Variants in SLC14A1 observed in about 807,000 individuals in gnomAD.
SLC14A1 encodes the protein solute carrier family 14 member 1 (Kidd blood group).
SLC14A1 carries 36 observed loss-of-function variants against 39.6 expected under a neutral mutation model. The ratio of observed to expected loss-of-function variants is 0.91; its 90% CI spans 0.70 to 1.20. The LOEUF (loss-of-function observed/expected upper bound fraction) is 1.20. Ranked by LOEUF, SLC14A1 falls within the 50% of genes most tolerant of loss-of-function variation. SLC14A1 has a pLI of 0.00. For missense variants in SLC14A1, 469 were observed against 478.7 expected (o/e 0.98, Z 0.19); for synonymous variants, 164 against 173.6 (o/e 0.94, Z 0.43).
intron 9 of SLC14A1, among the ~76,000 whole-genome samples, chr18:45,749,141 GTGT>G (rs1439342712): frequency 8.7e-6 from 1 of 115,414 alleles, no homozygotes; most frequent in Admixed American, 8.5e-5. Context: ...TTGAACATCT[GTGT>G]TTTTTTTTAA....
rs1332952046 is a variant in SLC14A1, at chr18:45,749,812, T to C, written c.1031T>C (p.Leu344Ser). The change falls in exon 10 of 10, where the codon TTG (leucine) becomes TCG (serine). Residue 344 changes from leucine to serine, a missense_variant. Physicochemically the swap from Leu to Ser is moderately radical, Grantham distance 145 (BLOSUM62 -2). Coordinates refer to ENST00000321925, the MANE Select transcript of SLC14A1 (RefSeq NM_015865.7). ...GLPACTWPFC[L>S]ATLLFLIMTT... ...CCAGCTTGTACCTGGCCCTTCTGTT[T>C]GGCCACGCTATTGTTCCTCATCATG... 1.2e-6 allele frequency: 2 copies of C among 1,614,180 alleles called. No homozygotes were observed. Among genetic ancestry groups the C allele is most frequent in the Non-Finnish European group, 8.5e-7 (1 of 1,180,034 alleles).
intron 2 of SLC14A1, chr18:45,727,160 G>A (rs2046886866): frequency 3.9e-5 from 44 of 1,115,846 alleles, no homozygotes; most frequent in Non-Finnish European, 5.3e-5. Flanking sequence ...GAACCCAGTG[G>A]GCGCGCTCCA....
At chr18:45,727,632 G>C (rs1236123999) in intron 2 of SLC14A1, among the ~76,000 whole-genome samples, 1 of 152,190 alleles carries the variant, frequency 6.6e-6, no homozygotes, top group African/African-American at 2.4e-5. Flanking sequence ...GGAAAAGCTG[G>C]GGATAAGTCA....
chr18:45,739,158 T>A lies in SLC14A1; in HGVS notation c.664-5T>A, dbSNP rs892531268. ...AGCCTCATTTTTCTTAAATTTCTTT[T>A]GCAGTTGTTGAAATCTATACCAGTG... On this transcript the variant is annotated splice_region_variant and splice_polypyrimidine_tract_variant and intron_variant, in intron 6 of 9. Coordinates refer to ENST00000321925, the MANE Select transcript of SLC14A1 (RefSeq NM_015865.7). 2.5e-6 allele frequency: 4 copies of A among 1,614,220 alleles called. No homozygotes were observed. Among genetic ancestry groups the A allele is most frequent in the Non-Finnish European group, 3.4e-6 (4 of 1,180,030 alleles).
intron 8 of SLC14A1, among the ~76,000 whole-genome samples, chr18:45,742,308 C>T (rs1242827165): frequency 2.0e-5 from 3 of 149,888 alleles, no homozygotes; most frequent in Non-Finnish European, 3.0e-5. Flanking sequence ...GAGATGGCGA[C>T]GAGGTTTTTG....
At chr18:45,732,565 G>A (rs2047063061) in intron 4 of SLC14A1, among the ~76,000 whole-genome samples, 1 of 152,206 alleles carries the variant, frequency 6.6e-6, no homozygotes. Flanking sequence ...ACATCATCTT[G>A]CCTGTTGCAA....
At chr18:45,732,651 G>T (rs1309551020) in intron 4 of SLC14A1, among the ~76,000 whole-genome samples, 1 of 152,114 alleles carries the variant, frequency 6.6e-6, no homozygotes, top group Non-Finnish European at 1.5e-5. Flanking sequence ...CTGCAGTGTG[G>T]CTCACTGGCT....
chr18:45,741,598 A>G (rs56044725), intron 8 of SLC14A1, among the ~76,000 whole-genome samples: 65,229 of 151,692 alleles, frequency 0.43, 14,449 homozygotes, highest in East Asian at 0.52. Context: ...GCTGTGATGT[A>G]GCCATGTAGA....
Position 45,752,274 on chromosome 18 carries a change from G to C in SLC14A1, c.*2323G>C, listed in dbSNP as rs542237646. ...TAGGCTGTGGCTGAGAGAACCAGAG[G>C]CCTCTAAAATGGACCCGAGTCGATC... On this transcript the variant is annotated 3_prime_UTR_variant, in exon 10 of 10. Coordinates refer to ENST00000321925, the MANE Select transcript of SLC14A1 (RefSeq NM_015865.7). 12 of 983,940 alleles carry C rather than the reference G, an allele frequency of 1.2e-5. No individual in the cohort carries two copies. In the African/African-American group the frequency reaches 1.7e-4, roughly 14 times the overall value. The allele number at this position is 983,940 out of a possible 1,614,324, so 61.0% of individuals were successfully genotyped here.
At chr18:45,746,798 G>C (rs1481967055) in intron 8 of SLC14A1, among the ~76,000 whole-genome samples, 1 of 152,174 alleles carries the variant, frequency 6.6e-6, no homozygotes, top group Non-Finnish European at 1.5e-5. Flanking sequence ...GCTCTCATTT[G>C]AGATTCTTCA....
intron 4 of SLC14A1, among the ~76,000 whole-genome samples, chr18:45,733,278 T>C (rs925850437): frequency 6.6e-6 from 1 of 152,194 alleles, no homozygotes; most frequent in African/African-American, 2.4e-5. Context: ...AGAAATGAGA[T>C]TGAATACTAA....
chr18:45,731,334 A>G lies in SLC14A1; in HGVS notation c.341+130A>G, dbSNP rs955135936. On this transcript the variant is annotated intron_variant, in intron 4 of 9. Transcript: ENST00000321925. ...ACATTTAGTCCACAGAACTGTTTAT[A>G]TTTGTTTTTAGTCAGAGGTCAGGGA... 7.8e-6 allele frequency: 7 copies of G among 900,672 alleles called. No homozygotes were observed. The African/African-American group carries it at 9.9e-5, about 13-fold the overall frequency. 55.8% of individuals were successfully genotyped at this position (900,672 alleles called of 1,614,324 possible). A position where few individuals can be genotyped will look rare whatever the true frequency, so the allele number is the denominator to read the frequency against.
At chr18:45,735,988 C>T (rs1322927532) in intron 5 of SLC14A1, among the ~76,000 whole-genome samples, 1 of 152,204 alleles carries the variant, frequency 6.6e-6, no homozygotes, top group Non-Finnish European at 1.5e-5. Context: ...TTTCCTCCAG[C>T]TCACACTACC....
In SLC14A1 at chr18:45,751,207, G is replaced by T; in HGVS notation, c.*1256G>T. On this transcript the variant is annotated 3_prime_UTR_variant, in exon 10 of 10. Transcript: ENST00000321925. Reference sequence around the variant, plus strand: ...ATACAAAAATTAGCCAGGCATGGTGGTGGGTGCCTGTAGTTCCAGCTACTT... The same window carrying T: ...ATACAAAAATTAGCCAGGCATGGTGTTGGGTGCCTGTAGTTCCAGCTACTT... 2.7e-6 allele frequency: 1 copy of T among 367,496 alleles called. No homozygotes were observed. Among genetic ancestry groups the T allele is most frequent in the Non-Finnish European group, 3.8e-6 (1 of 265,596 alleles). 22.8% of individuals were successfully genotyped at this position (367,496 alleles called of 1,614,324 possible).
intron 8 of SLC14A1, among the ~76,000 whole-genome samples, chr18:45,747,936 A>G (rs2047594286): frequency 1.3e-5 from 2 of 152,350 alleles, no homozygotes; most frequent in Non-Finnish European, 2.9e-5. Flanking sequence ...CCTAGATGCT[A>G]TCTCAAGAAA....
Position 45,751,815 on chromosome 18 carries a change from T to TTA in SLC14A1, c.*1864_*1865insTA, listed in dbSNP as rs2047718916. 1 of 906,920 alleles carries TTA rather than the reference T, an allele frequency of 1.1e-6. No homozygotes were observed. The highest frequency in any genetic ancestry group is 6.6e-5 in the Admixed American group (1 of 15,094). 56.2% of individuals were successfully genotyped at this position (906,920 alleles called of 1,614,324 possible). A position where few individuals can be genotyped will look rare whatever the true frequency, so the allele number is the denominator to read the frequency against. ...TAATTAATTAATTAATTAATTAATT[T>TTA]AAAAAGGAAGTCATGTTCATTTACT... On this transcript the variant is annotated 3_prime_UTR_variant, in exon 10 of 10. Coordinates refer to ENST00000321925, the MANE Select transcript of SLC14A1 (RefSeq NM_015865.7).
chr18:45,731,500 T>C (rs1568032925), intron 4 of SLC14A1: 2 of 429,196 alleles, frequency 4.7e-6, no homozygotes, highest in Non-Finnish European at 4.4e-6. Context: ...TCTTTAATGA[T>C]TGATAAAATT....
intron 4 of SLC14A1, 140 bp downstream of exon 4, chr18:45,731,344 AGTCAGAG>A (rs1404035218): frequency 1.2e-6 from 1 of 830,744 alleles, no homozygotes; most frequent in Non-Finnish European, 2.0e-6. Flanking sequence ...ATTTGTTTTT[AGTCAGAG>A]GTCAGGGAAT....
Position 45,735,876 on chromosome 18 carries a change from C to T in SLC14A1, c.471-580C>T, listed in dbSNP as rs377262203. ...CTCGGGACCATGCAGCCCAGCCCCA[C>T]AGTTTATGGGCTCTGAGGCTAAGGA... On this transcript the variant is annotated intron_variant, in intron 5 of 9. Transcript: ENST00000321925. Among the ~76,000 whole-genome samples, 12 of 152,334 alleles carry T rather than the reference C, an allele frequency of 7.9e-5. No individual in the cohort carries two copies. In the South Asian group the frequency reaches 2.5e-3, roughly 32 times the overall value.
Sources: gnomAD v4.1 joint callset for allele counts (sites outside exome capture counted in the v4.1 genomes callset) on GRCh38, gnomAD v4.1.1 for gene constraint, MANE v1.5 for transcripts, NCBI Gene and HGNC (gene_info 2026-07-23, HGNC 2026-07-21) for gene names.